DNM3: variants seen among roughly 807,000 people sequenced by gnomAD.
DNM3 encodes the protein dynamin-3.
A neutral mutation model predicts 101.6 loss-of-function variants in DNM3; 47 were observed. The observed-to-expected ratio is 0.46, with a 90% CI of 0.37 to 0.59. DNM3 has a LOEUF of 0.59. Among genes scored for constraint, DNM3 ranks in the 20% least tolerant of loss-of-function variants. The pLI, the probability that DNM3 is intolerant of heterozygous loss-of-function variation, is 0.00. For missense variants in DNM3, 849 were observed against 1,085.7 expected, an observed-to-expected ratio of 0.78 and a Z score of 3.06; for synonymous variants, 385 against 387.9, an observed-to-expected ratio of 0.99 and a Z score of 0.09.
intron 14 of DNM3, among the ~76,000 whole-genome samples, chr1:172,177,132 C>G (rs1234377775): frequency 6.6e-6 from 1 of 151,566 alleles, no homozygotes; most frequent in African/African-American, 2.4e-5. Context: ...GTATTTTTTT[C>G]CAGTAAGAGC....
intron 14 of DNM3, among the ~76,000 whole-genome samples, chr1:172,248,785 T>C (rs1405309215): frequency 6.6e-6 from 1 of 152,180 alleles, no homozygotes; most frequent in Admixed American, 6.5e-5. Context: ...GATTATCATA[T>C]ATATGTGACT....
intron 4 of DNM3, among the ~76,000 whole-genome samples, chr1:171,993,498 C>CTTTTTTTTTTTTTT (rs145178902): frequency 3.3e-4 from 42 of 128,686 alleles, no homozygotes; most frequent in African/African-American, 1.1e-3. Flanking sequence ...TTTCAAGATT[C>CTTTTTTTTTTTTTT]TTTTTTTTTT....
chr1:171,892,436 A>G (rs541118749), intron 1 of DNM3, among the ~76,000 whole-genome samples: 1 of 152,334 alleles, frequency 6.6e-6, no homozygotes, highest in South Asian at 2.1e-4. Context: ...CTGTGTATAT[A>G]CACATATCTA....
chr1:172,349,975 G>A (rs1423131245), intron 17 of DNM3, among the ~76,000 whole-genome samples: 2 of 152,152 alleles, frequency 1.3e-5, no homozygotes, highest in African/African-American at 2.4e-5. Flanking sequence ...GAAGCAGAAG[G>A]AGAGTCAGAA....
intron 4 of DNM3, among the ~76,000 whole-genome samples, chr1:171,997,142 G>A (rs1415308650): frequency 1.3e-5 from 2 of 151,984 alleles, no homozygotes; most frequent in African/African-American, 4.8e-5. Context: ...TTTATTTGTT[G>A]TATAGAACTT....
chr1:172,344,361 C>T (rs538055797), intron 17 of DNM3, among the ~76,000 whole-genome samples: 3 of 152,262 alleles, frequency 2.0e-5, no homozygotes, highest in Non-Finnish European at 2.9e-5. Flanking sequence ...GTCTTCTATT[C>T]TCGTCTTCTT....
At chr1:171,879,449 A>C (rs2036068610) in intron 1 of DNM3, among the ~76,000 whole-genome samples, 1 of 152,212 alleles carries the variant, frequency 6.6e-6, no homozygotes, top group Admixed American at 6.5e-5. Context: ...GAAAGTGTTC[A>C]CAGTTGAATG....
intron 2 of DNM3, among the ~76,000 whole-genome samples, chr1:171,928,336 GA>G (rs1205713201): frequency 2.0e-5 from 3 of 152,128 alleles, no homozygotes; most frequent in African/African-American, 7.2e-5. Context: ...ACTCTGGTGT[GA>G]TCTCAGTACT....
At chr1:171,925,443 G>T (rs1290568530) in intron 2 of DNM3, among the ~76,000 whole-genome samples, 3 of 151,676 alleles carry the variant, frequency 2.0e-5, no homozygotes, top group Non-Finnish European at 4.4e-5. Flanking sequence ...TGTTAGCCAG[G>T]ATGGTCTCAA....
At position 172,410,191 on chromosome 1, in the gene DNM3, A is replaced by G. The variant is rs1259755694; in HGVS notation, c.*2350A>G. ...TGCAGTACTATGTCATATTATTAGT[A>G]TGAATCTCATTTCCCAAAGGGTTTG... On this transcript the variant is annotated 3_prime_UTR_variant, in exon 21 of 21. Coordinates refer to ENST00000627582, the MANE Select transcript of DNM3 (RefSeq NM_015569.5). 1 of 985,276 alleles carries G rather than the reference A, an allele frequency of 1.0e-6. No individual in the cohort carries two copies. Among genetic ancestry groups the G allele is most frequent in the African/African-American group, 1.7e-5 (1 of 57,260 alleles). The allele number at this position is 985,276 out of a possible 1,614,324, so 61.0% of individuals were successfully genotyped here.
chr1:172,391,697 C>T (rs74733835), intron 20 of DNM3, among the ~76,000 whole-genome samples: 4,154 of 152,070 alleles, frequency 0.027, 70 homozygotes, highest in South Asian at 0.049. Context: ...CCTTTGTTTT[C>T]AGAGAAGGAA....
intron 4 of DNM3, among the ~76,000 whole-genome samples, chr1:172,018,946 C>T (rs987881739): frequency 6.6e-6 from 1 of 151,776 alleles, no homozygotes; most frequent in African/African-American, 2.4e-5. Context: ...GTCTATTACT[C>T]CTTCACTTTT....
At chr1:172,081,927 A>G (rs778207817) in intron 12 of DNM3, 25 bp downstream of exon 12, 35 of 1,605,622 alleles carry the variant, frequency 2.2e-5, no homozygotes, top group Admixed American at 3.4e-5. Flanking sequence ...TGATGGCCAC[A>G]TGCATTCCTC....
chr1:172,096,747 A>G (rs1281656744), intron 13 of DNM3, among the ~76,000 whole-genome samples: 1 of 152,208 alleles, frequency 6.6e-6, no homozygotes, highest in Non-Finnish European at 1.5e-5. Flanking sequence ...TCCAGAAGTG[A>G]CAGAGAACTC....
intron 1 of DNM3, among the ~76,000 whole-genome samples, chr1:171,898,780 T>C (rs1308082968): frequency 6.7e-6 from 1 of 149,802 alleles, no homozygotes; most frequent in Non-Finnish European, 1.5e-5. Flanking sequence ...AGAGAGTGAA[T>C]TTTTTTTTTC....
Position 172,018,832 on chromosome 1 carries a change from G to C in DNM3, c.590-13570G>C, listed in dbSNP as rs117779674. ...TTTCTTTATGTAGATCTGAGTTTCT[G>C]ACTTAATATTATTTTCCTTTTCTCT... is the stretch of plus-strand genomic sequence containing the variant. On this transcript the variant is annotated intron_variant, in intron 4 of 20. Coordinates refer to ENST00000627582, the MANE Select transcript of DNM3 (RefSeq NM_015569.5). Among the ~76,000 whole-genome samples the C allele has an allele frequency of 3.7e-4, 56 of 152,086 alleles. No individual in the cohort carries two copies. In the East Asian group the frequency reaches 0.01, roughly 28 times the overall value.
intron 17 of DNM3, among the ~76,000 whole-genome samples, chr1:172,348,691 C>G (rs2067060653): frequency 6.6e-6 from 1 of 152,038 alleles, no homozygotes; most frequent in Admixed American, 6.6e-5. Context: ...GTAAAATTTA[C>G]ATGTATTTAG....
chr1:171,851,017 C>CAGGATATT (rs2032890691), intron 1 of DNM3, among the ~76,000 whole-genome samples: 1 of 152,152 alleles, frequency 6.6e-6, no homozygotes, highest in African/African-American at 2.4e-5. Flanking sequence ...CAGGTGGTCC[C>CAGGATATT]TGCATATTTG....
intron 4 of DNM3, among the ~76,000 whole-genome samples, chr1:172,020,495 C>T (rs774903972): frequency 6.6e-6 from 1 of 151,752 alleles, no homozygotes; most frequent in Non-Finnish European, 1.5e-5. Flanking sequence ...CTGAGGCGGG[C>T]ATATCACTAG....
Sources: gnomAD v4.1 joint callset for allele counts (sites outside exome capture counted in the v4.1 genomes callset) on GRCh38, gnomAD v4.1.1 for gene constraint, MANE v1.5 for transcripts, NCBI Gene and HGNC (gene_info 2026-07-23, HGNC 2026-07-21) for gene names.